Variants in SORCS2 observed in about 807,000 individuals in gnomAD.
The protein encoded by SORCS2 is sortilin related VPS10 domain containing receptor 2.
A neutral mutation model predicts 141.6 loss-of-function variants in SORCS2; 100 were observed. That is an observed-to-expected ratio of 0.71 (90% CI 0.60 to 0.83). SORCS2 has a LOEUF of 0.83. SORCS2 is among the 40% of genes least tolerant of loss of function. The pLI, the probability that SORCS2 is intolerant of heterozygous loss-of-function variation, is 0.00. For synonymous variants in SORCS2, 789 were observed against 676.9 expected (o/e 1.17, Z -2.57); for missense variants, 1,646 against 1,560.2 (o/e 1.05, Z -0.93).
chr4:7,654,710 C>G (rs1577902473), intron 5 of SORCS2, among the ~76,000 whole-genome samples: 1 of 152,304 alleles, frequency 6.6e-6, no homozygotes, highest in African/African-American at 2.4e-5. Flanking sequence ...ACCTGGGCCC[C>G]CCTTCCACTG....
rs1468043805 is a variant in SORCS2 at position 7,286,859 on chromosome 4, C to A, written c.480+93733C>A. ...AGGGTACAGGAGCTATGGAAGGTCC[C>A]AAGAGGAAAGTGTCCTGACGGAGCT... On this transcript the variant is annotated intron_variant, in intron 1 of 26. Coordinates refer to ENST00000507866, the MANE Select transcript of SORCS2 (RefSeq NM_020777.3). This position sits in a 1 kb window ranked among gnomAD's most constrained non-coding sequence, Gnocchi z 4.1. 6.6e-6 allele frequency among the ~76,000 whole-genome samples: 1 copy of A among 152,256 alleles called. No individual in the cohort carries two copies. Among genetic ancestry groups the A allele is most frequent in the South Asian group, 2.1e-4 (1 of 4,820 alleles).
Position 7,718,020 on chromosome 4 carries a change from A to G in SORCS2, c.2261A>G (p.Lys754Arg). Reference protein sequence around the residue: ...QTYTSSLGYRKVVSNVCEGGV... With the variant: ...QTYTSSLGYRRVVSNVCEGGV... ...CTCTCTTGTCAATCCAGGTACCGGA[A>G]AGTGGTGTCCAACGTGTGTGAGGGT... The change falls in exon 18 of 27, where the codon AAA (lysine) becomes AGA (arginine). Residue 754 changes from lysine (K) to arginine (R), a missense_variant. Coordinates refer to ENST00000507866, the MANE Select transcript of SORCS2 (RefSeq NM_020777.3). 1 of 1,604,062 alleles carries G rather than the reference A, an allele frequency of 6.2e-7. No individual in the cohort carries two copies. Among genetic ancestry groups the G allele is most frequent in the Non-Finnish European group, 8.5e-7 (1 of 1,174,952 alleles).
At chr4:7,437,648 A>C (rs1727395238) in intron 2 of SORCS2, among the ~76,000 whole-genome samples, 1 of 152,090 alleles carries the variant, frequency 6.6e-6, no homozygotes, top group Non-Finnish European at 1.5e-5. Flanking sequence ...AACGAAATAC[A>C]CTTCTGTCAC....
intron 1 of SORCS2, among the ~76,000 whole-genome samples, chr4:7,367,774 G>A (rs1285808315): frequency 6.6e-6 from 1 of 152,206 alleles, no homozygotes; most frequent in South Asian, 2.1e-4. Context: ...AATAAACTCG[G>A]GGAAGTGGGC....
intron 2 of SORCS2, among the ~76,000 whole-genome samples, chr4:7,491,525 C>G (rs553692844): frequency 6.6e-6 from 1 of 152,374 alleles, no homozygotes; most frequent in Admixed American, 6.5e-5. Flanking sequence ...TTTCACGCTG[C>G]TGACTGAATC....
At chr4:7,318,039 C>T (rs1037402292) in intron 1 of SORCS2, among the ~76,000 whole-genome samples, 4 of 152,228 alleles carry the variant, frequency 2.6e-5, no homozygotes, top group South Asian at 2.1e-4. Context: ...ATGTGAAGGA[C>T]GCAGGGCAGA....
At chr4:7,276,826 C>T (rs1039662082) in intron 1 of SORCS2, among the ~76,000 whole-genome samples, 7 of 152,168 alleles carry the variant, frequency 4.6e-5, no homozygotes, top group Admixed American at 1.3e-4. Context: ...CCATTCATCA[C>T]GCGGCAGACC....
At chr4:7,287,931 G>T (rs905255284) in intron 1 of SORCS2, among the ~76,000 whole-genome samples, 1 of 152,224 alleles carries the variant, frequency 6.6e-6, no homozygotes, top group East Asian at 1.9e-4. Context: ...CATGCAGGCC[G>T]ATTGGAGCCC....
chr4:7,249,389 A>G (rs1218441995), intron 1 of SORCS2, among the ~76,000 whole-genome samples: 1 of 152,190 alleles, frequency 6.6e-6, no homozygotes, highest in African/African-American at 2.4e-5. Context: ...AGTGGAAGCC[A>G]CCTATGTCTT....
chr4:7,454,620 G>C (rs567844616), intron 2 of SORCS2, among the ~76,000 whole-genome samples: 137 of 137,198 alleles, frequency 1.0e-3, no homozygotes, highest in Middle Eastern at 9.8e-3. Context: ...CTGTGTGTTG[G>C]GGTCAGGTGC....
intron 1 of SORCS2, among the ~76,000 whole-genome samples, chr4:7,206,132 A>C (rs1371732918): frequency 6.6e-6 from 1 of 152,208 alleles, no homozygotes; most frequent in Non-Finnish European, 1.5e-5. Flanking sequence ...AGATGGGGAC[A>C]GATGGACCCC....
intron 18 of SORCS2, among the ~76,000 whole-genome samples, 178 bp from the exon 19 acceptor site, chr4:7,723,519 G>A (rs768962884): frequency 5.9e-5 from 9 of 152,142 alleles, no homozygotes; most frequent in Non-Finnish European, 1.3e-4. Flanking sequence ...CATACTCCAG[G>A]AAGAATCTCC....
intron 1 of SORCS2, among the ~76,000 whole-genome samples, chr4:7,357,445 G>T (rs1470565896): frequency 6.6e-6 from 1 of 152,180 alleles, no homozygotes; most frequent in East Asian, 1.9e-4. Context: ...TTCCCATGTT[G>T]GCAGAGAAGC....
At position 7,660,791 on chromosome 4, in the gene SORCS2, G is replaced by A. The variant is rs150721075; in HGVS notation, c.888-709G>A. Among the ~76,000 whole-genome samples, 823 of 152,304 alleles carry A rather than the reference G, an allele frequency of 5.4e-3. 4 individuals are homozygous for A. The highest frequency in any genetic ancestry group is 0.019 in the African/African-American group (771 of 41,570). Reference sequence around the variant, plus strand: ...TGGGGACAGCCTGGTGCAAACTGTCGAGTGATGGGGTAGGGGGTGCATTCC... The same window carrying A: ...TGGGGACAGCCTGGTGCAAACTGTCAAGTGATGGGGTAGGGGGTGCATTCC... On this transcript the variant is annotated intron_variant, in intron 5 of 26. Coordinates refer to ENST00000507866, the MANE Select transcript of SORCS2 (RefSeq NM_020777.3).
At chr4:7,490,835 G>A (rs1194865018) in intron 2 of SORCS2, among the ~76,000 whole-genome samples, 1 of 152,034 alleles carries the variant, frequency 6.6e-6, no homozygotes, top group East Asian at 1.9e-4. Context: ...CTCCTCCCAG[G>A]CCTGCTTCTC....
At chr4:7,615,244 T>C (rs1005930298) in intron 3 of SORCS2, among the ~76,000 whole-genome samples, 2 of 152,216 alleles carry the variant, frequency 1.3e-5, no homozygotes, top group Admixed American at 6.5e-5. Context: ...TCTGGAGATA[T>C]AACAGTGAGC....
chr4:7,304,753 G>C (rs1196815179), intron 1 of SORCS2, among the ~76,000 whole-genome samples: 1 of 152,234 alleles, frequency 6.6e-6, no homozygotes, highest in African/African-American at 2.4e-5. Context: ...GGTCTGTGCA[G>C]AGCTTGGTGG....
chr4:7,483,026 GA>G (rs1730747658), intron 2 of SORCS2, among the ~76,000 whole-genome samples: 1 of 152,088 alleles, frequency 6.6e-6, no homozygotes, highest in Non-Finnish European at 1.5e-5. Context: ...ATGTCCTTAT[GA>G]AAAAAAGGAG....
intron 2 of SORCS2, among the ~76,000 whole-genome samples, chr4:7,482,438 C>T (rs201419041): frequency 2.0e-3 from 83 of 40,608 alleles, no homozygotes; most frequent in South Asian, 0.012. Flanking sequence ...ACACCCCTGA[C>T]GCTGTTCAGA....
Sources: allele counts gnomAD v4.1 joint callset (sites outside exome capture counted in the v4.1 genomes callset), GRCh38; gene constraint gnomAD v4.1.1; non-coding constraint Gnocchi (gnomAD v3.1); transcripts MANE v1.5; gene names NCBI Gene and HGNC (gene_info 2026-07-23, HGNC 2026-07-21).